The following STK3 variants were observed in gnomAD, a reference collection of about 807,000 sequenced individuals.
STK3 encodes serine/threonine-protein kinase 3.
Under a neutral mutation model 58.0 loss-of-function variants are expected in STK3, and 41 were observed. The ratio of observed to expected loss-of-function variants is 0.71; its 90% CI spans 0.55 to 0.92. STK3 has a LOEUF of 0.92. Ranked by LOEUF, STK3 falls within the 40% of genes least tolerant of loss-of-function variation. The pLI, the probability that STK3 is intolerant of heterozygous loss-of-function variation, is 0.00. For synonymous variants in STK3, 170 were observed against 191.0 expected (o/e 0.89, Z 0.91); for missense variants, 479 against 602.7 (o/e 0.79, Z 2.15).
chr8:98,487,800 T>C (rs1019563936), intron 10 of STK3, among the ~76,000 whole-genome samples: 3 of 152,154 alleles, frequency 2.0e-5, no homozygotes, highest in Non-Finnish European at 2.9e-5. Context: ...GTAATCACTA[T>C]AGTTGGGGAA....
At chr8:98,762,901 T>G (rs868136609) in intron 3 of STK3, among the ~76,000 whole-genome samples, 2 of 152,166 alleles carry the variant, frequency 1.3e-5, no homozygotes, top group African/African-American at 4.8e-5. Context: ...GGCCCTGAAG[T>G]AGGGTAAATG....
intron 6 of STK3, among the ~76,000 whole-genome samples, chr8:98,691,770 A>G (rs1280152491): frequency 6.6e-6 from 1 of 152,002 alleles, no homozygotes; most frequent in Non-Finnish European, 1.5e-5. Flanking sequence ...CGTCTCTACT[A>G]AAAATACAAA....
chr8:98,381,143 G>A (rs1053983462), intron 1 of STK3, among the ~76,000 whole-genome samples: 2 of 151,772 alleles, frequency 1.3e-5, no homozygotes, highest in African/African-American at 4.8e-5. Context: ...GCTAATTTTT[G>A]TATTTTTAGT....
chr8:98,633,699 T>A (rs994898592), intron 6 of STK3: 27 of 685,880 alleles, frequency 3.9e-5, no homozygotes, highest in Non-Finnish European at 7.4e-5. Context: ...AGAATACAAA[T>A]CTAAGTGACA....
At chr8:98,687,887 C>A (rs574016232) in intron 6 of STK3, among the ~76,000 whole-genome samples, 2 of 152,158 alleles carry the variant, frequency 1.3e-5, no homozygotes, top group Non-Finnish European at 2.9e-5. Context: ...TACAAAGCAA[C>A]TAGCTAACAA....
At chr8:98,485,907 A>G (rs1822217247) in intron 10 of STK3, among the ~76,000 whole-genome samples, 5 of 152,270 alleles carry the variant, frequency 3.3e-5, no homozygotes, top group Admixed American at 3.3e-4. Flanking sequence ...GATCAGAATA[A>G]TGATGCATGA....
intron 4 of STK3, among the ~76,000 whole-genome samples, chr8:98,707,985 A>G (rs1324211434): frequency 6.6e-6 from 1 of 151,948 alleles, no homozygotes; most frequent in African/African-American, 2.4e-5. Context: ...CTAAAAATAC[A>G]AAAATTAGCC....
chr8:98,606,989 T>C (rs1446052298), intron 6 of STK3, among the ~76,000 whole-genome samples: 3 of 152,182 alleles, frequency 2.0e-5, no homozygotes, highest in East Asian at 1.9e-4. Context: ...AGAGTGGTCA[T>C]GTTGGGGATC....
intron 3 of STK3, among the ~76,000 whole-genome samples, chr8:98,766,657 C>G (rs1830970363): frequency 6.6e-6 from 1 of 152,166 alleles, no homozygotes; most frequent in African/African-American, 2.4e-5. Context: ...CTCCTTTACC[C>G]TCGATGCTCT....
At chr8:98,380,545 T>C (rs1241256196) in intron 1 of STK3, among the ~76,000 whole-genome samples, 1 of 152,254 alleles carries the variant, frequency 6.6e-6, no homozygotes, top group East Asian at 1.9e-4. Flanking sequence ...CGAGGAATGC[T>C]ATTTCTGAGT....
chr8:98,740,577 A>G (rs1829108914), intron 4 of STK3, among the ~76,000 whole-genome samples: 2 of 152,224 alleles, frequency 1.3e-5, no homozygotes, highest in Non-Finnish European at 2.9e-5. Flanking sequence ...CGTGCCCTAA[A>G]AGAGCTCCTG....
At chr8:98,567,777 G>T (rs1424582333) in intron 8 of STK3, among the ~76,000 whole-genome samples, 2 of 151,940 alleles carry the variant, frequency 1.3e-5, no homozygotes, top group Non-Finnish European at 2.9e-5. Flanking sequence ...ATAATTTTAG[G>T]CCAGGCACAG....
At chr8:98,751,414 A>G (rs778130104) in intron 3 of STK3, among the ~76,000 whole-genome samples, 62 of 152,314 alleles carry the variant, frequency 4.1e-4, no homozygotes, top group Admixed American at 6.5e-4. Context: ...AAGTCTCAGG[A>G]TACAAAAGCA....
chr8:98,417,069 G>A (rs573197529), intron 3 of STK3, among the ~76,000 whole-genome samples: 1 of 152,232 alleles, frequency 6.6e-6, no homozygotes, highest in Non-Finnish European at 1.5e-5. Flanking sequence ...GAATGGAAAG[G>A]GGGGCTTCTC....
chr8:98,411,365 C>T (rs996730994), intron 3 of STK3, among the ~76,000 whole-genome samples: 9 of 152,194 alleles, frequency 5.9e-5, no homozygotes, highest in African/African-American at 1.7e-4. Context: ...TAGAAGTATG[C>T]GGGAAACATA....
At chr8:98,350,621 C>T in the STK3 span, among the ~76,000 whole-genome samples, 9 of 152,348 alleles carry the variant, frequency 5.9e-5, no homozygotes, top group South Asian at 2.1e-4. Context: ...CACAGTTCCA[C>T]GTGGATGAGG....
chr8:98,884,267 G>T (rs1225771413), intron 1 of STK3, among the ~76,000 whole-genome samples: 2 of 152,044 alleles, frequency 1.3e-5, no homozygotes, highest in Admixed American at 6.6e-5. Flanking sequence ...AAAACTTCAC[G>T]ATGATATTCT....
At position 98,701,532 on chromosome 8, in the gene STK3, G is replaced by C. The variant is rs1339528499; in HGVS notation, c.684+4935C>G. Among the ~76,000 whole-genome samples, 4 of 151,882 alleles carry C rather than the reference G, an allele frequency of 2.6e-5. No individual in the cohort carries two copies. In the East Asian group the frequency reaches 7.7e-4, roughly 29 times the overall value. ...TACTTGGGAGACTGAGCTGAGACAG[G>C]AGAATCGCTTGAAACCGGGAGGCAG... On this transcript the variant is annotated intron_variant, in intron 6 of 10. Coordinates refer to ENST00000419617, the MANE Select transcript of STK3 (RefSeq NM_006281.4).
chr8:98,360,515 CTT>C, the STK3 span, among the ~76,000 whole-genome samples: 1,429 of 145,924 alleles, frequency 9.8e-3, 16 homozygotes, highest in African/African-American at 0.034. Flanking sequence ...CAATTTCTTT[CTT>C]TTTTTTTTTT....
Sources: gnomAD v4.1 joint callset for allele counts (sites outside exome capture counted in the v4.1 genomes callset) on GRCh38, gnomAD v4.1.1 for gene constraint, MANE v1.5 for transcripts, NCBI Gene and HGNC (gene_info 2026-07-23, HGNC 2026-07-21) for gene names.